TRPM8: variants seen among roughly 807,000 people sequenced by gnomAD.
The protein encoded by TRPM8 is TRPM8 cationic channel.
A neutral mutation model predicts 133.7 loss-of-function variants in TRPM8; 110 were observed. The ratio of observed to expected loss-of-function variants is 0.82; its 90% CI spans 0.70 to 0.96. TRPM8 has a LOEUF of 0.96. Among genes scored for constraint, TRPM8 ranks in the 40% least tolerant of loss-of-function variants. TRPM8 has a pLI of 0.00. For synonymous variants in TRPM8, 535 were observed against 532.3 expected, an observed-to-expected ratio of 1.01 and a Z score of -0.07; for missense variants, 1,291 against 1,379.5, an observed-to-expected ratio of 0.94 and a Z score of 1.02.
At chr2:233,927,885 T>C (rs1275380995) in intron 2 of TRPM8, among the ~76,000 whole-genome samples, 1 of 69,776 alleles carries the variant, frequency 1.4e-5, no homozygotes, top group African/African-American at 1.0e-4. Flanking sequence ...TTTCTTTCTT[T>C]CTTTCTTTCT....
In TRPM8 at chr2:233,964,725, A is replaced by T; in HGVS notation, c.1847A>T (p.Glu616Val). The change falls in exon 14 of 26, where the codon GAG becomes GTG. Residue 616 changes from glutamate (E) to valine (V), a missense_variant. Physicochemically the swap from Glu to Val is moderately radical, Grantham distance 121. Transcript: ENST00000324695. ...ATCAATGCTGCTGGGGAGTCCGAGGAGCTGGCTAATGAGTACGAGACCCGG... is the reference window on the plus strand; with the variant it reads ...ATCAATGCTGCTGGGGAGTCCGAGGTGCTGGCTAATGAGTACGAGACCCGG... ...NDINAAGESE[E>V]LANEYETRAV... 1 of 1,612,826 alleles carries T rather than the reference A, an allele frequency of 6.2e-7. No individual in the cohort carries two copies. Among genetic ancestry groups the T allele is most frequent in the South Asian group, 1.1e-5 (1 of 90,948 alleles).
intron 12 of TRPM8, among the ~76,000 whole-genome samples, chr2:233,961,467 G>A (rs1691435305): frequency 6.6e-6 from 1 of 151,914 alleles, no homozygotes; most frequent in African/African-American, 2.4e-5. Context: ...CACCACGTGT[G>A]GCTAATTTTT....
intron 11 of TRPM8, among the ~76,000 whole-genome samples, chr2:233,957,750 A>G (rs962048877): frequency 5.3e-4 from 80 of 152,258 alleles, no homozygotes; most frequent in African/African-American, 1.9e-3. Context: ...CCGATTCCAT[A>G]TTTAGTGATG....
intron 17 of TRPM8, among the ~76,000 whole-genome samples, chr2:233,972,424 G>A (rs567588280): frequency 1.6e-4 from 25 of 152,376 alleles, no homozygotes; most frequent in South Asian, 6.2e-4. Context: ...ATCCCGCACC[G>A]CGGCTGCAGG....
In TRPM8 at chr2:233,969,769, T is replaced by C. The variant is rs1176295391; in HGVS notation, c.2100T>C (p.Phe700=). 1.2e-6 allele frequency: 2 copies of C among 1,613,800 alleles called. No individual in the cohort carries two copies. Among genetic ancestry groups the C allele is most frequent in the Admixed American group, 3.3e-5 (2 of 60,010 alleles). ...ACTGGAAGATTATCCTGTGTCTGTT[T>C]ATTATACCCTTGGTGGGCTGTGGCT... ...TKNWKIILCL[F]IIPLVGCGFV... The change falls in exon 16 of 26, where the codon TTT becomes TTC. Residue 700 remains phenylalanine (F), a synonymous_variant. Coordinates refer to ENST00000324695, the MANE Select transcript of TRPM8 (RefSeq NM_024080.5).
rs200743002 is a variant in TRPM8 at position 234,003,015 on chromosome 2, C to A, written c.3131-3838C>A. Among the ~76,000 whole-genome samples, 15 of 152,204 alleles carry A rather than the reference C, an allele frequency of 9.9e-5. No homozygotes were observed. The East Asian group carries it at 2.9e-3, about 29-fold the overall frequency. On this transcript the variant is annotated intron_variant, in intron 22 of 25. Coordinates refer to ENST00000324695, the MANE Select transcript of TRPM8 (RefSeq NM_024080.5). ...AAAGTAAAAATATAAATTTTGCTAA[C>A]CTAGACATGGTAATTGGTGGCAATT... is the stretch of plus-strand genomic sequence containing the variant.
chr2:233,964,839 A>G, intron 14 of TRPM8, 82 bp downstream of exon 14: 1 of 1,433,774 alleles, frequency 7.0e-7, no homozygotes, highest in Non-Finnish European at 9.4e-7. Flanking sequence ...CATAGACCAG[A>G]TGGTGGAGGT....
intron 2 of TRPM8, among the ~76,000 whole-genome samples, chr2:233,927,535 C>G (rs73118767): frequency 0.22 from 32,727 of 151,760 alleles, 5,432 homozygotes; most frequent in African/African-American, 0.46. Context: ...CCCAGTCACA[C>G]CTCAGTCCTG....
chr2:233,959,992 A>C (rs932366322), intron 11 of TRPM8, among the ~76,000 whole-genome samples: 1 of 149,646 alleles, frequency 6.7e-6, no homozygotes, highest in African/African-American at 2.5e-5. Context: ...CCTATTGGCC[A>C]GGCTGGTCTC....
At chr2:233,969,283 GCCTGACCAA>G (rs1407639264) in intron 15 of TRPM8, among the ~76,000 whole-genome samples, 3 of 151,204 alleles carry the variant, frequency 2.0e-5, no homozygotes, top group Admixed American at 2.0e-4. Flanking sequence ...TTTGTGACCA[GCCTGACCAA>G]CATGGAGAAA....
At chr2:233,947,843 T>C (rs1691083060) in intron 8 of TRPM8, among the ~76,000 whole-genome samples, 1 of 152,196 alleles carries the variant, frequency 6.6e-6, no homozygotes, top group Non-Finnish European at 1.5e-5. Flanking sequence ...GGTATATGTG[T>C]AGGTTTTATG....
At chr2:234,007,198 T>C (rs1249378993) in intron 23 of TRPM8, among the ~76,000 whole-genome samples, 1 of 151,754 alleles carries the variant, frequency 6.6e-6, no homozygotes, top group African/African-American at 2.4e-5. Context: ...GAGAGAGAGG[T>C]ATTTGGAGCC....
At chr2:233,964,974 C>T (rs1209953497) in intron 14 of TRPM8, among the ~76,000 whole-genome samples, 1 of 151,528 alleles carries the variant, frequency 6.6e-6, no homozygotes, top group Non-Finnish European at 1.5e-5. Context: ...ATCTTGGGCT[C>T]TCTGATCCCA....
chr2:233,984,536 T>C (rs1467882632), intron 20 of TRPM8, among the ~76,000 whole-genome samples: 1 of 152,190 alleles, frequency 6.6e-6, no homozygotes, highest in African/African-American at 2.4e-5. Flanking sequence ...TCTATTCAAT[T>C]CATCCACTAG....
rs1691272043 is a variant in TRPM8, at chr2:233,955,490, C to T, written c.1362+240C>T. On this transcript the variant is annotated intron_variant, in intron 11 of 25. Coordinates refer to ENST00000324695, the MANE Select transcript of TRPM8 (RefSeq NM_024080.5). ...AAATGGTATAAAATAACATCAACTC[C>T]ACATTGCCTTCAGCTGCAAAGTGAG... 2.1e-5 allele frequency: 7 copies of T among 326,588 alleles called. No homozygotes were observed. The South Asian group carries it at 3.5e-4, about 16-fold the overall frequency. The allele number at this position is 326,588 out of a possible 1,614,324, so 20.2% of individuals were successfully genotyped here.
intron 9 of TRPM8, 80 bp downstream of exon 9, chr2:233,950,226 TC>T (rs1691143373): frequency 1.5e-6 from 2 of 1,367,394 alleles, no homozygotes; most frequent in Admixed American, 2.1e-5. Context: ...AACGCCCAAC[TC>T]CACCAGCAGC....
chr2:233,993,746 T>C (rs1339311644), intron 21 of TRPM8, among the ~76,000 whole-genome samples: 1 of 152,202 alleles, frequency 6.6e-6, no homozygotes, highest in East Asian at 1.9e-4. Context: ...CTGAGGAAGA[T>C]GGGGGGCCCA....
intron 5 of TRPM8, among the ~76,000 whole-genome samples, chr2:233,940,178 C>T (rs955695244): frequency 6.6e-6 from 1 of 151,094 alleles, no homozygotes; most frequent in South Asian, 2.1e-4. Context: ...GATGTTTTCT[C>T]GTGATTAGAT....
intron 5 of TRPM8, among the ~76,000 whole-genome samples, chr2:233,939,713 C>A (rs1690857974): frequency 6.6e-6 from 1 of 152,188 alleles, no homozygotes; most frequent in Non-Finnish European, 1.5e-5. Flanking sequence ...ATGCAATGAA[C>A]ATCTGTACAT....
Sources: gnomAD v4.1 joint callset for allele counts (sites outside exome capture counted in the v4.1 genomes callset) on GRCh38, gnomAD v4.1.1 for gene constraint, MANE v1.5 for transcripts, NCBI Gene and HGNC (gene_info 2026-07-23, HGNC 2026-07-21) for gene names.